The following TXNRD1 variants were observed in gnomAD, a reference collection of about 807,000 sequenced individuals.
The protein encoded by TXNRD1 is thioredoxin reductase 1, also known as thioredoxin reductase 1, cytoplasmic.
Under a neutral mutation model 80.3 loss-of-function variants are expected in TXNRD1, and 57 were observed. The observed-to-expected ratio is 0.71, with a 90% confidence interval of 0.57 to 0.89. TXNRD1 has a LOEUF of 0.89. Ranked by LOEUF, TXNRD1 falls within the 40% of genes least tolerant of loss-of-function variation. TXNRD1 has a pLI of 0.00. For missense variants in TXNRD1, 730 were observed against 803.0 expected, an observed-to-expected ratio of 0.91 and a Z score of 1.10; for synonymous variants, 291 against 285.2, an observed-to-expected ratio of 1.02 and a Z score of -0.20.
intron 3 of TXNRD1, 82 bp downstream of exon 3, chr12:104,258,161 T>C: frequency 8.8e-7 from 1 of 1,142,136 alleles, no homozygotes; most frequent in South Asian, 1.5e-5. Flanking sequence ...TAATTTGTCT[T>C]CCTTGAGGTT....
intron 7 of TXNRD1, among the ~76,000 whole-genome samples, chr12:104,317,365 CTTTTTTTTTTTTT>C (rs68031758): frequency 8.6e-6 from 1 of 116,334 alleles, no homozygotes; most frequent in South Asian, 3.0e-4. Flanking sequence ...TCTGCAGTTA[CTTTTTTTTTTTTT>C]TTTTTTTTCA....
rs907015607 is a variant in TXNRD1 at position 104,309,965 on chromosome 12, G to A, written c.415-1325G>A. 10 of 1,536,082 alleles carry A rather than the reference G, an allele frequency of 6.5e-6. 1 individual carries two copies. Among genetic ancestry groups the A allele is most frequent in the South Asian group, 3.6e-5 (3 of 84,056 alleles). ...GCTGCCAACAGGTAGCCACAGTGCT[G>A]TGCTTCCTCCTTCACATTGCTCCAC... is the stretch of plus-strand genomic sequence containing the variant. On this transcript the variant is annotated intron_variant, in intron 4 of 16. Coordinates refer to ENST00000525566, the MANE Select transcript of TXNRD1 (RefSeq NM_001093771.3).
intron 4 of TXNRD1, among the ~76,000 whole-genome samples, chr12:104,305,840 A>G (rs2034889713): frequency 6.6e-6 from 1 of 152,170 alleles, no homozygotes; most frequent in Admixed American, 6.5e-5. Context: ...AATGTCCTTC[A>G]CAATCTACGC....
At chr12:104,346,836 T>C (rs550753710) in intron 16 of TXNRD1, among the ~76,000 whole-genome samples, 8 of 152,308 alleles carry the variant, frequency 5.3e-5, no homozygotes, top group Admixed American at 1.3e-4. Flanking sequence ...GGCTCATGCC[T>C]GTAATCTAAG....
chr12:104,271,025 C>T (rs1229946503), intron 3 of TXNRD1, among the ~76,000 whole-genome samples: 1 of 152,006 alleles, frequency 6.6e-6, no homozygotes, highest in East Asian at 1.9e-4. Context: ...GTGGTGCAAG[C>T]CTGTAATCTC....
chr12:104,225,492 C>G (rs1163033357), intron 1 of TXNRD1, among the ~76,000 whole-genome samples: 1 of 152,158 alleles, frequency 6.6e-6, no homozygotes, highest in African/African-American at 2.4e-5. Context: ...GTGTCAAGGG[C>G]AGTACCAGAT....
rs1420256570 is a variant in TXNRD1, at chr12:104,311,321, T to C, written c.446T>C (p.Leu149Pro). The C allele has an allele frequency of 6.2e-7, 1 of 1,608,904 alleles. No individual in the cohort carries two copies. The highest frequency in any genetic ancestry group is 1.3e-5 in the African/African-American group (1 of 74,894). The change falls in exon 5 of 17, where the codon CTA (leucine) becomes CCA (proline). Residue 149 changes from leucine (L) to proline (P), a missense_variant. Coordinates refer to ENST00000525566, the MANE Select transcript of TXNRD1 (RefSeq NM_001093771.3). Reference sequence around the variant, plus strand: ...CAGGAGGGCAGACTTCAAAAGCTACTAAAAATGAACGGCCCTGAAGATCTT... The same window carrying C: ...CAGGAGGGCAGACTTCAAAAGCTACCAAAAATGAACGGCCCTGAAGATCTT... ...AYQEGRLQKLLKMNGPEDLPK... is the reference protein window; with the variant it reads ...AYQEGRLQKLPKMNGPEDLPK...
At chr12:104,335,866 A>G (rs2036119945) in intron 15 of TXNRD1, among the ~76,000 whole-genome samples, 1 of 152,234 alleles carries the variant, frequency 6.6e-6, no homozygotes. Context: ...GGACAGTTAC[A>G]GGTTGGTTTT....
At chr12:104,297,909 C>G (rs2034489419) in intron 4 of TXNRD1, among the ~76,000 whole-genome samples, 1 of 152,138 alleles carries the variant, frequency 6.6e-6, no homozygotes, top group South Asian at 2.1e-4. Flanking sequence ...TGTGGAGGCT[C>G]TCGTAACCTG....
chr12:104,257,439 C>A (rs901987968), intron 2 of TXNRD1, among the ~76,000 whole-genome samples: 38 of 119,802 alleles, frequency 3.2e-4, no homozygotes, highest in African/African-American at 1.2e-3. Context: ...CAGAGTCTTA[C>A]TCTGTCGCCC....
At chr12:104,319,864 A>T (rs554028693) in intron 9 of TXNRD1, among the ~76,000 whole-genome samples, 14 of 152,400 alleles carry the variant, frequency 9.2e-5, no homozygotes, top group African/African-American at 3.4e-4. Flanking sequence ...AAATTTATTT[A>T]TGCATGTATG....
In TXNRD1 at chr12:104,321,047, ACTTT is replaced by A. The variant is rs778546918; in HGVS notation, c.990-39_990-36del. ...GGATTTAGTAATTATTTATATAGGA[ACTTT>A]CTTTTTCTTCTTTCTTCCTTTTTTT... is the stretch of plus-strand genomic sequence containing the variant. On this transcript the variant is annotated intron_variant, in intron 9 of 16. Transcript: ENST00000525566. 10 of 1,334,076 alleles carry A rather than the reference ACTTT, an allele frequency of 7.5e-6. No individual in the cohort carries two copies. The Admixed American group carries it at 1.0e-4, about 14-fold the overall frequency. The allele number at this position is 1,334,076 out of a possible 1,614,324, so 82.6% of individuals were successfully genotyped here.
At chr12:104,319,654 C>T in intron 9 of TXNRD1, 69 bp downstream of exon 9, 2 of 1,131,796 alleles carry the variant, frequency 1.8e-6, no homozygotes, top group South Asian at 1.4e-5. Flanking sequence ...TTTCTTCAAA[C>T]CCACTGCGTC....
chr12:104,258,606 C>G (rs1043117896), intron 3 of TXNRD1, among the ~76,000 whole-genome samples: 3 of 151,972 alleles, frequency 2.0e-5, no homozygotes, highest in Non-Finnish European at 4.4e-5. Context: ...TCAGAAAATC[C>G]CAAGGGCTCA....
intron 2 of TXNRD1, among the ~76,000 whole-genome samples, chr12:104,256,503 G>A (rs1431688742): frequency 2.6e-5 from 4 of 152,128 alleles, no homozygotes; most frequent in Admixed American, 1.3e-4. Context: ...GCTACTGGCT[G>A]CGTATGGTGG....
intron 4 of TXNRD1, chr12:104,310,016 C>A (rs1413168678): frequency 4.6e-6 from 7 of 1,536,130 alleles, no homozygotes; most frequent in African/African-American, 1.4e-5. Flanking sequence ...ATCCCAAGAA[C>A]CTTCTTCTTC....
intron 1 of TXNRD1, among the ~76,000 whole-genome samples, chr12:104,219,111 A>G (rs1473866627): frequency 6.6e-6 from 1 of 151,780 alleles, no homozygotes; most frequent in African/African-American, 2.4e-5. Context: ...CCTAGCCTCA[A>G]TTTTAAATTT....
intron 15 of TXNRD1, among the ~76,000 whole-genome samples, chr12:104,338,124 A>C (rs2036200097): frequency 5.3e-5 from 8 of 151,740 alleles, no homozygotes; most frequent in Admixed American, 4.6e-4. Flanking sequence ...ACTACTCTTA[A>C]GGGTCCCAGC....
chr12:104,293,111 G>A (rs1296966484), intron 4 of TXNRD1, among the ~76,000 whole-genome samples: 4 of 152,144 alleles, frequency 2.6e-5, no homozygotes, highest in Non-Finnish European at 5.9e-5. Context: ...TATTCTTATA[G>A]GGAACCTCTT....
Sources: gnomAD v4.1 joint callset for allele counts (sites outside exome capture counted in the v4.1 genomes callset) on GRCh38, gnomAD v4.1.1 for gene constraint, MANE v1.5 for transcripts, NCBI Gene and HGNC (gene_info 2026-07-23, HGNC 2026-07-21) for gene names.